KIAA1958: variants seen among roughly 807,000 people sequenced by gnomAD.
The protein encoded by KIAA1958 is uncharacterized protein KIAA1958.
KIAA1958 carries 14 observed loss-of-function variants against 47.2 expected under a neutral mutation model. That is an observed-to-expected ratio of 0.30 (90% CI 0.20 to 0.46). The LOEUF is 0.46. Among genes scored for constraint, KIAA1958 ranks in the 20% least tolerant of loss-of-function variants. KIAA1958 has a pLI of 1.00. For synonymous variants in KIAA1958, 354 were observed against 353.3 expected, an observed-to-expected ratio of 1.00 and a Z score of -0.02; for missense variants, 803 against 909.2, an observed-to-expected ratio of 0.88 and a Z score of 1.50.
chr9:112,567,584 G>A (rs530856590), intron 1 of KIAA1958, among the ~76,000 whole-genome samples: 35 of 152,208 alleles, frequency 2.3e-4, no homozygotes, highest in Non-Finnish European at 3.5e-4. Flanking sequence ...AATCCAGAAA[G>A]AAACAACCAC....
chr9:112,659,415 C>T lies in KIAA1958; in HGVS notation c.1497C>T (p.Thr499=). The T allele has an allele frequency of 6.2e-7, 1 of 1,614,174 alleles. No homozygotes were observed. The highest frequency in any genetic ancestry group is 1.1e-5 in the South Asian group (1 of 91,086). The change falls in exon 4 of 4, where the codon ACC becomes ACT. Residue 499 remains threonine (T), a synonymous_variant. Transcript: ENST00000337530. ...ATGCAGGTGTCGGCTTTTCCATCAC[C>T]AGCAGCACCTTCAGCTCCTCCACCA... ...LKNAGVGFSI[T]SSTFSSSTKK...
At chr9:112,573,966 C>A in intron 1 of KIAA1958, 91 bp from the exon 2 acceptor site, 2 of 672,764 alleles carry the variant, frequency 3.0e-6, no homozygotes, top group Non-Finnish European at 4.8e-6. Flanking sequence ...TTTTTTATGC[C>A]AAATGATCAT....
chr9:112,506,068 ATAAAG>A (rs1390316607), intron 1 of KIAA1958, among the ~76,000 whole-genome samples: 1 of 152,250 alleles, frequency 6.6e-6, no homozygotes, highest in Non-Finnish European at 1.5e-5. Context: ...TTGTGTTTCT[ATAAAG>A]TAATTTTTGA....
At chr9:112,524,655 CT>C (rs1396801788) in intron 1 of KIAA1958, among the ~76,000 whole-genome samples, 1 of 152,196 alleles carries the variant, frequency 6.6e-6, no homozygotes, top group Admixed American at 6.5e-5. Context: ...GAATGTTCTC[CT>C]TCTGCACCTT....
chr9:112,598,976 G>A (rs1044762040), intron 2 of KIAA1958, among the ~76,000 whole-genome samples: 1 of 152,152 alleles, frequency 6.6e-6, no homozygotes, highest in African/African-American at 2.4e-5. Flanking sequence ...CAGCTATTGG[G>A]AAGACTGAGA....
chr9:112,571,770 ACACC>A (rs1835538546), intron 1 of KIAA1958, among the ~76,000 whole-genome samples: 1 of 151,662 alleles, frequency 6.6e-6, no homozygotes, highest in Non-Finnish European at 1.5e-5. Context: ...CAACCTAGGG[ACACC>A]CCTAGGTTAA....
intron 2 of KIAA1958, among the ~76,000 whole-genome samples, chr9:112,612,975 A>C (rs2131211826): frequency 6.6e-6 from 1 of 152,378 alleles, no homozygotes; most frequent in Middle Eastern, 3.4e-3. Flanking sequence ...ATATGGCGCT[A>C]TCTCTAATAC....
chr9:112,607,012 A>T (rs1456412775), intron 2 of KIAA1958, among the ~76,000 whole-genome samples: 4 of 152,198 alleles, frequency 2.6e-5, no homozygotes, highest in Non-Finnish European at 4.4e-5. Context: ...CATAGTATAT[A>T]AAGAAGGGGT....
chr9:112,574,642 A>G lies in KIAA1958; in HGVS notation c.562A>G (p.Thr188Ala). The G allele has an allele frequency of 6.2e-7, 1 of 1,614,160 alleles. No individual in the cohort carries two copies. Among genetic ancestry groups the G allele is most frequent in the South Asian group, 1.1e-5 (1 of 91,088 alleles). ...ATCTTCCCTCCATTCAAGCTCCCAG[A>G]CGCAGATGGTTGACGAATGCAGCAA... Reference protein sequence around the residue: ...VPSSLHSSSQTQMVDECSNDV... With the variant: ...VPSSLHSSSQAQMVDECSNDV... Residue 188 changes from threonine to alanine, a missense_variant, in exon 2 of 4, where the codon ACG (threonine) becomes GCG (alanine). Physicochemically the swap from Thr to Ala is moderately conservative, Grantham distance 58. Coordinates refer to ENST00000337530, the MANE Select transcript of KIAA1958 (RefSeq NM_133465.4).
At chr9:112,510,581 G>T (rs1329371380) in intron 1 of KIAA1958, among the ~76,000 whole-genome samples, 2 of 152,032 alleles carry the variant, frequency 1.3e-5, no homozygotes, top group African/African-American at 4.8e-5. Context: ...CAGATAAATG[G>T]GTTACATATA....
intron 2 of KIAA1958, among the ~76,000 whole-genome samples, chr9:112,644,419 A>G (rs1384249964): frequency 6.6e-6 from 1 of 152,202 alleles, no homozygotes; most frequent in African/African-American, 2.4e-5. Context: ...GCTGTTTCCC[A>G]CAGCCCTAGC....
rs1228745871 is a variant in KIAA1958, at chr9:112,532,543, T to C, written c.-24-41514T>C. Among the ~76,000 whole-genome samples the C allele has an allele frequency of 7.2e-5, 11 of 152,220 alleles. No individual in the cohort carries two copies. In the East Asian group the frequency reaches 2.1e-3, roughly 29 times the overall value. On this transcript the variant is annotated intron_variant, in intron 1 of 3. Transcript: ENST00000337530. ...TGGAGTGATCCTTTCTTTGACTGTTTCCTGGAGGGAGACTGTTGTAATAGA... is the reference window on the plus strand; with the variant it reads ...TGGAGTGATCCTTTCTTTGACTGTTCCCTGGAGGGAGACTGTTGTAATAGA...
intron 2 of KIAA1958, among the ~76,000 whole-genome samples, chr9:112,635,218 GTGTGTGTGTGT>G (rs1836784601): frequency 1.0e-4 from 2 of 19,158 alleles, no homozygotes; most frequent in Non-Finnish European, 4.7e-4. Context: ...TTTATTTTGT[GTGTGTGTGTGT>G]GTGTGTGTGT....
chr9:112,581,617 C>G (rs1835736667), intron 2 of KIAA1958, among the ~76,000 whole-genome samples: 1 of 152,206 alleles, frequency 6.6e-6, no homozygotes, highest in Non-Finnish European at 1.5e-5. Context: ...ATTTCCCTCA[C>G]TCATCCAGGA....
At position 112,583,687 on chromosome 9, in the gene KIAA1958, A is replaced by T. The variant is rs148007134; in HGVS notation, c.1171+8436A>T. Among the ~76,000 whole-genome samples the T allele has an allele frequency of 3.5e-4, 53 of 152,302 alleles. No individual in the cohort carries two copies. In the East Asian group the frequency reaches 0.01, roughly 29 times the overall value. On this transcript the variant is annotated intron_variant, in intron 2 of 3. Coordinates refer to ENST00000337530, the MANE Select transcript of KIAA1958 (RefSeq NM_133465.4). ...TAAATCTTGGAAGACAAAGTTGCAG[A>T]ATATTATTATATATTAGAGTAATAC...
At chr9:112,659,209 G>C (rs561815472) in intron 3 of KIAA1958, 54 bp from the exon 4 acceptor site, 1 of 1,439,344 alleles carries the variant, frequency 6.9e-7, no homozygotes, top group South Asian at 1.3e-5. Flanking sequence ...AAGGAAGGAG[G>C]GGTCTGGCTG....
rs185488397 is a variant in KIAA1958, at chr9:112,664,219, T to C, written c.*4150T>C. On this transcript the variant is annotated 3_prime_UTR_variant, in exon 4 of 4. Transcript: ENST00000337530. ...GATGCCTTCTTTAGGAATAAGACTT[T>C]CCTTTAATTTTCAAGTTCCACAACT... 10 of 152,258 alleles carry C rather than the reference T, an allele frequency of 6.6e-5. No homozygotes were observed. Among genetic ancestry groups the C allele is most frequent in the African/African-American group, 2.2e-4 (9 of 41,474 alleles). 9.4% of individuals were successfully genotyped at this position (152,258 alleles called of 1,614,324 possible). A position where few individuals can be genotyped will look rare whatever the true frequency, so the allele number is the denominator to read the frequency against.
intron 1 of KIAA1958, among the ~76,000 whole-genome samples, chr9:112,515,997 A>G (rs905364006): frequency 6.6e-6 from 1 of 151,942 alleles, no homozygotes; most frequent in African/African-American, 2.4e-5. Context: ...GATAAAGGAA[A>G]AGAATTCAGA....
Position 112,486,996 on chromosome 9 carries a change from C to T in KIAA1958, c.-147C>T, listed in dbSNP as rs557123302. Reference sequence around the variant, plus strand: ...CCACTTACCTTTGGTGCCCGGCCCTCTGGCCGCTCTCCTCCCGCCCTCGCG... The same window carrying T: ...CCACTTACCTTTGGTGCCCGGCCCTTTGGCCGCTCTCCTCCCGCCCTCGCG... On this transcript the variant is annotated 5_prime_UTR_variant, in exon 1 of 4. Coordinates refer to ENST00000337530, the MANE Select transcript of KIAA1958 (RefSeq NM_133465.4). 3.9e-5 allele frequency: 7 copies of T among 180,728 alleles called. No homozygotes were observed. The highest frequency in any genetic ancestry group is 8.1e-5 in the Non-Finnish European group (7 of 86,586). The allele number at this position is 180,728 out of a possible 1,614,324, so 11.2% of individuals were successfully genotyped here.
Sources: gnomAD v4.1 joint callset for allele counts (sites outside exome capture counted in the v4.1 genomes callset) on GRCh38, gnomAD v4.1.1 for gene constraint, MANE v1.5 for transcripts, NCBI Gene and HGNC (gene_info 2026-07-23, HGNC 2026-07-21) for gene names.